TULP4: variants seen among roughly 807,000 people sequenced by gnomAD.
The protein encoded by TULP4 is TUB like protein 4, also known as tubby-related protein 4.
TULP4 carries 16 observed loss-of-function variants against 129.0 expected under a neutral mutation model. The observed-to-expected ratio is 0.12, with a 90% CI of 0.08 to 0.19. TULP4 has a LOEUF of 0.19. TULP4 is among the 10% of genes least tolerant of loss of function. The pLI, the probability that TULP4 is intolerant of heterozygous loss-of-function variation, is 1.00. For synonymous variants in TULP4, 998 were observed against 854.0 expected (o/e 1.17, Z -2.94); for missense variants, 1,842 against 2,059.1 (o/e 0.89, Z 2.04).
intron 1 of TULP4, among the ~76,000 whole-genome samples, chr6:158,261,198 G>C (rs941233831): frequency 2.0e-5 from 3 of 152,216 alleles, no homozygotes; most frequent in Non-Finnish European, 4.4e-5. Context: ...TGTGCAGTAA[G>C]GTAGCTACCA....
At chr6:158,336,336 T>C (rs967658489) in intron 1 of TULP4, among the ~76,000 whole-genome samples, 9 of 152,248 alleles carry the variant, frequency 5.9e-5, no homozygotes, top group African/African-American at 1.9e-4. Flanking sequence ...ATTAGTCTTT[T>C]ATCTGTGGTG....
chr6:158,405,265 T>C (rs2114990263), intron 1 of TULP4, among the ~76,000 whole-genome samples: 1 of 152,288 alleles, frequency 6.6e-6, no homozygotes, highest in South Asian at 2.1e-4. Context: ...TAAAAATCAT[T>C]TATAACACAC....
At chr6:158,337,197 A>G (rs1202284564) in intron 1 of TULP4, among the ~76,000 whole-genome samples, 11 of 126,826 alleles carry the variant, frequency 8.7e-5, no homozygotes, top group African/African-American at 2.8e-4. Flanking sequence ...CAGTGGTTCA[A>G]TCATGGCTCA....
chr6:158,496,116 T>A lies in TULP4; in HGVS notation c.1870+1270T>A, dbSNP rs1234968168. On this transcript the variant is annotated intron_variant, in intron 11 of 13. Transcript: ENST00000367097. ...TCCATTCCAGAGCAACTTCCTTCTG[T>A]TGGGGAGGTCCCTATGTGAGTTGAG... is the stretch of plus-strand genomic sequence containing the variant. Among the ~76,000 whole-genome samples the A allele has an allele frequency of 2.6e-5, 4 of 152,328 alleles. No individual in the cohort carries two copies. In the East Asian group the frequency reaches 7.7e-4, roughly 29 times the overall value.
At chr6:158,308,002 T>A (rs1036280309), upstream of TULP4, among the ~76,000 whole-genome samples, 16 of 152,008 alleles carry the variant, frequency 1.1e-4, no homozygotes, top group South Asian at 2.1e-4. Flanking sequence ...TTTTCTTTTT[T>A]TTTTCTTTTT....
intron 1 of TULP4, among the ~76,000 whole-genome samples, chr6:158,404,774 C>CAA (rs10608874): frequency 9.2e-6 from 1 of 108,156 alleles, no homozygotes; most frequent in Admixed American, 9.4e-5. Flanking sequence ...GACTCTGTCT[C>CAA]AAAAAAAAAA....
intron 3 of TULP4, among the ~76,000 whole-genome samples, chr6:158,439,756 G>A (rs1418757647): frequency 8.2e-6 from 1 of 121,502 alleles, no homozygotes; most frequent in Non-Finnish European, 1.6e-5. Context: ...CTGTTGCCCA[G>A]GCTGGAGTGC....
At chr6:158,331,757 G>GTATATATATATATATATATA (rs1171180222) in intron 1 of TULP4, among the ~76,000 whole-genome samples, 8 of 16,398 alleles carry the variant, frequency 4.9e-4, no homozygotes, top group Non-Finnish European at 8.0e-4. Context: ...GTATATACAC[G>GTATATATATATATATATATA]TGTATATATA....
rs891051258 is a variant in TULP4 at position 158,413,810 on chromosome 6, G to T, written c.381+617G>T. On this transcript the variant is annotated intron_variant, in intron 2 of 13. Coordinates refer to ENST00000367097, the MANE Select transcript of TULP4 (RefSeq NM_020245.5). The surrounding 1 kb of genome is among the most constrained non-coding windows in gnomAD (Gnocchi z 4.9). ...AGGACGGCTTCATGGTGCACCTTTT[G>T]TATGGGTTTAAGGACACACATTGGA... Among the ~76,000 whole-genome samples, 6 of 152,234 alleles carry T rather than the reference G, an allele frequency of 3.9e-5. No homozygotes were observed. The highest frequency in any genetic ancestry group is 1.4e-4 in the African/African-American group (6 of 41,460).
intron 2 of TULP4, chr6:158,427,698 T>G (rs1158012807): frequency 6.6e-6 from 1 of 152,072 alleles, no homozygotes. Context: ...TTCACCATGT[T>G]GGCCAGATGG....
At chr6:158,292,440 TC>T (rs1390806387) in intron 1 of TULP4, among the ~76,000 whole-genome samples, 56 of 152,314 alleles carry the variant, frequency 3.7e-4, no homozygotes, top group African/African-American at 8.7e-4. Context: ...GTATGTGCCT[TC>T]CATAGAGATT....
At chr6:158,465,798 C>T (rs184371217) in intron 6 of TULP4, among the ~76,000 whole-genome samples, 2 of 152,206 alleles carry the variant, frequency 1.3e-5, no homozygotes, top group African/African-American at 2.4e-5. Context: ...TACGTTGGCT[C>T]AGCTTGAAAA....
At chr6:158,505,985 C>A (rs1780590989) in intron 13 of TULP4, among the ~76,000 whole-genome samples, 1 of 151,878 alleles carries the variant, frequency 6.6e-6, no homozygotes, top group Non-Finnish European at 1.5e-5. Flanking sequence ...TTGTACCCCA[C>A]AGGTAACTTT....
intron 1 of TULP4, among the ~76,000 whole-genome samples, chr6:158,252,655 T>C (rs1320854001): frequency 2.0e-5 from 3 of 152,224 alleles, no homozygotes; most frequent in Non-Finnish European, 4.4e-5. Context: ...ATTACAGGTG[T>C]GAGCCACCGC....
At chr6:158,360,985 C>G (rs1029796508) in intron 1 of TULP4, among the ~76,000 whole-genome samples, 2 of 152,150 alleles carry the variant, frequency 1.3e-5, no homozygotes, top group African/African-American at 4.8e-5. Flanking sequence ...TTTTGTTATT[C>G]CTGATCCTCC....
chr6:158,462,602 T>C (rs558742365), intron 6 of TULP4, among the ~76,000 whole-genome samples: 1 of 151,970 alleles, frequency 6.6e-6, no homozygotes, highest in East Asian at 1.9e-4. Flanking sequence ...CTCGATCTCC[T>C]GACCTCATGA....
rs1220649628 is a variant in TULP4, at chr6:158,423,793, A to G, written c.382-5943A>G. Among the ~76,000 whole-genome samples, 3 of 152,186 alleles carry G rather than the reference A, an allele frequency of 2.0e-5. No individual in the cohort carries two copies. In the East Asian group the frequency reaches 5.8e-4, roughly 29 times the overall value. On this transcript the variant is annotated intron_variant, in intron 2 of 13. Transcript: ENST00000367097. ...GTAGCTGGGACTACAGGTGCCTGCC[A>G]CCACACCCGGCTAATTTTTTGTATT...
At chr6:158,338,779 G>T (rs544079992) in intron 1 of TULP4, among the ~76,000 whole-genome samples, 11 of 152,352 alleles carry the variant, frequency 7.2e-5, no homozygotes, top group Non-Finnish European at 1.3e-4. Context: ...TACAGGTAAA[G>T]AGGGTACTCT....
At chr6:158,451,965 G>A (rs548577867) in intron 4 of TULP4, among the ~76,000 whole-genome samples, 169 bp from the exon 5 acceptor site, 4 of 152,290 alleles carry the variant, frequency 2.6e-5, no homozygotes, top group African/African-American at 9.6e-5. Context: ...GATGGCCCTT[G>A]TGTAGTTCCT....
Sources: gnomAD v4.1 joint callset for allele counts (sites outside exome capture counted in the v4.1 genomes callset) on GRCh38, gnomAD v4.1.1 for gene constraint, Gnocchi (gnomAD v3.1) non-coding constraint, MANE v1.5 for transcripts, NCBI Gene and HGNC (gene_info 2026-07-23, HGNC 2026-07-21) for gene names.